Variants in ASAP3 observed in about 807,000 individuals in gnomAD.
The protein encoded by ASAP3 is arf-GAP with SH3 domain, ANK repeat and PH domain-containing protein 3.
In ASAP3, 85 loss-of-function variants were observed where a neutral mutation model predicts 118.2. The observed-to-expected ratio is 0.72, with a 90% CI of 0.60 to 0.86. The LOEUF is 0.86. Among genes scored for constraint, ASAP3 ranks in the 40% least tolerant of loss-of-function variants. The pLI is 0.00. For missense variants in ASAP3, 1,026 were observed against 1,175.0 expected (o/e 0.87, Z 1.85); for synonymous variants, 432 against 477.4 (o/e 0.90, Z 1.24).
chr1:23,452,429 A>T (rs1016671310), intron 4 of ASAP3, among the ~76,000 whole-genome samples: 2 of 152,132 alleles, frequency 1.3e-5, no homozygotes, highest in African/African-American at 4.8e-5. Context: ...TCAACTGCAA[A>T]ATGGGGATGA....
intron 1 of ASAP3, among the ~76,000 whole-genome samples, chr1:23,461,131 A>G (rs1387732950): frequency 6.6e-6 from 1 of 152,212 alleles, no homozygotes; most frequent in Non-Finnish European, 1.5e-5. Flanking sequence ...ATAATGGTGG[A>G]TACATGGAAT....
chr1:23,483,978 C>T, intron 1 of ASAP3, 27 bp downstream of exon 1: 1 of 1,268,038 alleles, frequency 7.9e-7, no homozygotes, highest in Non-Finnish European at 9.9e-7. Context: ...CGCCGACCCC[C>T]GACCCCTCCC....
chr1:23,473,138 A>G (rs2148659441), intron 1 of ASAP3, among the ~76,000 whole-genome samples: 1 of 152,194 alleles, frequency 6.6e-6, no homozygotes, highest in Admixed American at 6.5e-5. Flanking sequence ...GGCTTAATGG[A>G]TTACTAACCT....
intron 1 of ASAP3, among the ~76,000 whole-genome samples, chr1:23,458,117 C>G (rs575688448): frequency 1.3e-5 from 2 of 152,244 alleles, no homozygotes; most frequent in East Asian, 3.9e-4. Flanking sequence ...CCGTGGAGGC[C>G]CATCCCAGGG....
intron 1 of ASAP3, among the ~76,000 whole-genome samples, chr1:23,482,155 A>C (rs1363654206): frequency 1.3e-5 from 2 of 152,260 alleles, no homozygotes; most frequent in African/African-American, 4.8e-5. Context: ...TCTGTGAGAC[A>C]AATGAAGACA....
At chr1:23,470,092 G>A (rs1158130365) in intron 1 of ASAP3, among the ~76,000 whole-genome samples, 4 of 152,120 alleles carry the variant, frequency 2.6e-5, no homozygotes, top group African/African-American at 9.7e-5. Flanking sequence ...TGAATTTTAG[G>A]GCTGTCTCTG....
In ASAP3 at chr1:23,441,200, G is replaced by C. The variant is rs776502496; in HGVS notation, c.846C>G (p.Ser282Arg). 24 of 1,614,036 alleles carry C rather than the reference G, an allele frequency of 1.5e-5. No homozygotes were observed. The highest frequency in any genetic ancestry group is 2.0e-5 in the Non-Finnish European group (24 of 1,180,044). ...LQLESREEHL[S>R]RKNSGCGYSI... ...TATAGCCACATCCTGAGTTCTTCCGGCTCAGGTGTTCCTGTCCCTCGGACA... is the reference window on the plus strand; with the variant it reads ...TATAGCCACATCCTGAGTTCTTCCGCCTCAGGTGTTCCTGTCCCTCGGACA... The change falls in exon 10 of 25, where the codon AGC (serine) becomes AGG (arginine). Residue 282 changes from serine to arginine, a missense_variant. Transcript: ENST00000336689.
At chr1:23,462,104 A>G (rs1641610632) in intron 1 of ASAP3, among the ~76,000 whole-genome samples, 1 of 151,898 alleles carries the variant, frequency 6.6e-6, no homozygotes, top group Non-Finnish European at 1.5e-5. Flanking sequence ...GCTCACTGCA[A>G]GCTCTGCCTC....
intron 3 of ASAP3, among the ~76,000 whole-genome samples, chr1:23,453,195 G>A (rs1641279181): frequency 6.6e-6 from 1 of 152,150 alleles, no homozygotes; most frequent in Non-Finnish European, 1.5e-5. Flanking sequence ...CTCTCAAGTT[G>A]ACCTGTAGTG....
In ASAP3 at chr1:23,438,766, C is replaced by G; in HGVS notation, c.1083G>C (p.Lys361Asn). 1 of 1,614,176 alleles carries G rather than the reference C, an allele frequency of 6.2e-7. No homozygotes were observed. Among genetic ancestry groups the G allele is most frequent in the Non-Finnish European group, 8.5e-7 (1 of 1,180,026 alleles). ...ACTCACGGGTCACCAGGTCGAAGCACTTTTTCTCCTCAGGGTTTGGCCTCA... is the reference window on the plus strand; with the variant it reads ...ACTCACGGGTCACCAGGTCGAAGCAGTTTTTCTCCTCAGGGTTTGGCCTCA... Reference protein sequence around the residue: ...CQVRPNPEEKKCFDLVTHNRT... With the variant: ...CQVRPNPEEKNCFDLVTHNRT... Residue 361 changes from lysine to asparagine, a missense_variant, in exon 12 of 25, where the codon AAG becomes AAC. Lys to Asn is a moderately conservative substitution (Grantham distance 94). Transcript: ENST00000336689. The surrounding 1 kb of genome is among the most constrained non-coding windows in gnomAD (Gnocchi z 4.9).
At chr1:23,462,898 A>G (rs753242001) in intron 1 of ASAP3, among the ~76,000 whole-genome samples, 15 of 152,236 alleles carry the variant, frequency 9.9e-5, no homozygotes, top group Non-Finnish European at 1.9e-4. Flanking sequence ...CAGGGAAAAC[A>G]GAGCCATGTC....
intron 1 of ASAP3, among the ~76,000 whole-genome samples, chr1:23,469,997 G>A (rs913937642): frequency 6.6e-6 from 1 of 152,162 alleles, no homozygotes; most frequent in African/African-American, 2.4e-5. Context: ...ATCTTCAGAG[G>A]TGCTGCAGAA....
At chr1:23,483,663 T>G (rs868273556) in intron 1 of ASAP3, among the ~76,000 whole-genome samples, 27 of 151,962 alleles carry the variant, frequency 1.8e-4, no homozygotes, top group Non-Finnish European at 3.2e-4. Context: ...GGGGGCACAC[T>G]TGTGGGGCTC....
chr1:23,471,117 C>A (rs1641949017), intron 1 of ASAP3, among the ~76,000 whole-genome samples: 1 of 152,218 alleles, frequency 6.6e-6, no homozygotes, highest in South Asian at 2.1e-4. Context: ...CTTGGGCTTG[C>A]TATCCATCAC....
At chr1:23,466,772 T>C (rs1038539733) in intron 1 of ASAP3, among the ~76,000 whole-genome samples, 14 of 152,216 alleles carry the variant, frequency 9.2e-5, no homozygotes, top group African/African-American at 3.1e-4. Flanking sequence ...GAGATACAGA[T>C]TACATTTCAC....
chr1:23,450,847 T>A (rs1641191349), intron 5 of ASAP3, among the ~76,000 whole-genome samples: 1 of 152,156 alleles, frequency 6.6e-6, no homozygotes, highest in South Asian at 2.1e-4. Context: ...CTGGACAGAC[T>A]CCTCATAAGA....
chr1:23,451,544 G>A lies in ASAP3; in HGVS notation c.424-16C>T. On this transcript the variant is annotated splice_polypyrimidine_tract_variant and intron_variant, in intron 4 of 24. Transcript: ENST00000336689. ...TTTTGGAATCCTGTGGGTTAAAAAAGGACAATTTGCCCAGAGGGAAGCTGG... is the reference window on the plus strand; with the variant it reads ...TTTTGGAATCCTGTGGGTTAAAAAAAGACAATTTGCCCAGAGGGAAGCTGG... The A allele has an allele frequency of 6.2e-7, 1 of 1,613,862 alleles. No individual in the cohort carries two copies. The highest frequency in any genetic ancestry group is 2.2e-5 in the East Asian group (1 of 44,878).
In ASAP3 at chr1:23,430,892, G is replaced by C; in HGVS notation, c.2637+143C>G. The C allele has an allele frequency of 3.8e-6, 3 of 797,690 alleles. No homozygotes were observed. The Admixed American group carries it at 9.3e-5, about 25-fold the overall frequency. The allele number at this position is 797,690 out of a possible 1,614,324, so 49.4% of individuals were successfully genotyped here. ...CGTGCCCACCTGGGCACCAGGACAG[G>C]GACTGTCCAAACTGTGGCTGCCTGG... On this transcript the variant is annotated intron_variant, in intron 24 of 24. Coordinates refer to ENST00000336689, the MANE Select transcript of ASAP3 (RefSeq NM_017707.4).
chr1:23,439,350 TTC>T, intron 10 of ASAP3, 120 bp from the exon 11 acceptor site: 1 of 881,648 alleles, frequency 1.1e-6, no homozygotes, highest in Non-Finnish European at 1.8e-6. Context: ...TACCTCTTTC[TTC>T]TCCTAACCCT....
Sources: gnomAD v4.1 joint callset for allele counts (sites outside exome capture counted in the v4.1 genomes callset) on GRCh38, gnomAD v4.1.1 for gene constraint, Gnocchi (gnomAD v3.1) non-coding constraint, MANE v1.5 for transcripts, NCBI Gene and HGNC (gene_info 2026-07-23, HGNC 2026-07-21) for gene names.